Variants in TTC27 observed in about 807,000 individuals in gnomAD.
The protein encoded by TTC27 is tetratricopeptide repeat domain 27, also known as tetratricopeptide repeat protein 27.
Under a neutral mutation model 115.9 loss-of-function variants are expected in TTC27, and 79 were observed. The observed-to-expected ratio is 0.68, with a 90% CI of 0.57 to 0.82. The LOEUF (loss-of-function observed/expected upper bound fraction) is 0.82. Ranked by LOEUF, TTC27 falls within the 40% of genes least tolerant of loss-of-function variation. TTC27 has a pLI of 0.00. For missense variants in TTC27, 1,054 were observed against 993.1 expected (o/e 1.06, Z -0.82); for synonymous variants, 401 against 356.0 (o/e 1.13, Z -1.42).
intron 14 of TTC27, among the ~76,000 whole-genome samples, chr2:32,779,796 T>C (rs1670113780): frequency 6.6e-6 from 1 of 152,222 alleles, no homozygotes; most frequent in Non-Finnish European, 1.5e-5. Flanking sequence ...CATTAAGGTC[T>C]AGGGACCATT....
intron 2 of TTC27, among the ~76,000 whole-genome samples, chr2:32,633,091 T>G (rs1339565719): frequency 6.6e-6 from 1 of 152,192 alleles, no homozygotes; most frequent in African/African-American, 2.4e-5. Flanking sequence ...AGCAACAACT[T>G]TATATCATCA....
intron 9 of TTC27, among the ~76,000 whole-genome samples, chr2:32,697,475 A>G (rs1667026560): frequency 6.6e-6 from 1 of 152,218 alleles, no homozygotes; most frequent in Non-Finnish European, 1.5e-5. Flanking sequence ...TTTACTGAAC[A>G]GTAAAGAAAT....
intron 5 of TTC27, among the ~76,000 whole-genome samples, chr2:32,662,490 G>C (rs1665586403): frequency 6.6e-6 from 1 of 152,122 alleles, no homozygotes; most frequent in Non-Finnish European, 1.5e-5. Flanking sequence ...TCCTGGTTTA[G>C]TCTTGGGAGG....
intron 8 of TTC27, among the ~76,000 whole-genome samples, chr2:32,674,600 C>G (rs1425383301): frequency 1.3e-5 from 2 of 151,978 alleles, no homozygotes; most frequent in Non-Finnish European, 2.9e-5. Flanking sequence ...ATCACACATA[C>G]AGAGTTCTGT....
chr2:32,794,286 A>G (rs1232103590), intron 16 of TTC27, among the ~76,000 whole-genome samples: 1 of 152,216 alleles, frequency 6.6e-6, no homozygotes, highest in African/African-American at 2.4e-5. Flanking sequence ...ATTACAAATC[A>G]ATAACAGATG....
At chr2:32,644,110 G>A (rs987838217) in intron 4 of TTC27, among the ~76,000 whole-genome samples, 3 of 150,472 alleles carry the variant, frequency 2.0e-5, no homozygotes, top group Non-Finnish European at 4.4e-5. Flanking sequence ...GAACCCAGGA[G>A]GCAGAGTTTG....
chr2:32,643,096 A>G (rs1198798548), intron 4 of TTC27, among the ~76,000 whole-genome samples: 1 of 152,084 alleles, frequency 6.6e-6, no homozygotes, highest in African/African-American at 2.4e-5. Flanking sequence ...CAGCCTCCCA[A>G]GTAGCTGGGA....
chr2:32,736,849 G>A, intron 12 of TTC27, 33 bp downstream of exon 12: 2 of 1,608,262 alleles, frequency 1.2e-6, no homozygotes, highest in South Asian at 2.2e-5. Context: ...GTACTGGTGA[G>A]AGCCTTCCCT....
At chr2:32,637,478 C>G (rs1233586330) in intron 3 of TTC27, among the ~76,000 whole-genome samples, 3 of 151,930 alleles carry the variant, frequency 2.0e-5, no homozygotes, top group African/African-American at 7.3e-5. Flanking sequence ...ACTACAGGCG[C>G]CCGCCACCGT....
At position 32,753,624 on chromosome 2, in the gene TTC27, T is replaced by G. The variant is rs528011452; in HGVS notation, c.1453-4668T>G. Among the ~76,000 whole-genome samples, 3 of 151,920 alleles carry G rather than the reference T, an allele frequency of 2.0e-5. No homozygotes were observed. In the East Asian group the frequency reaches 5.9e-4, roughly 30 times the overall value. Reference sequence around the variant, plus strand: ...GCCACCGCGCCCATATTTTTATACCTTTAGTAGACATGGGGTTTCACTATG... The same window carrying G: ...GCCACCGCGCCCATATTTTTATACCGTTAGTAGACATGGGGTTTCACTATG... On this transcript the variant is annotated intron_variant, in intron 12 of 19. Coordinates refer to ENST00000317907, the MANE Select transcript of TTC27 (RefSeq NM_017735.5).
chr2:32,728,090 G>C (rs555212680), intron 10 of TTC27, among the ~76,000 whole-genome samples: 1 of 147,504 alleles, frequency 6.8e-6, no homozygotes. Context: ...GCCCAGGCTG[G>C]AGTGCAGTGG....
intron 11 of TTC27, among the ~76,000 whole-genome samples, chr2:32,735,521 T>A (rs543506749): frequency 3.0e-4 from 46 of 152,324 alleles, no homozygotes; most frequent in African/African-American, 1.1e-3. Flanking sequence ...TTCAGGATCT[T>A]CAGGCAGTTA....
chr2:32,682,888 T>C (rs565255642), intron 9 of TTC27, among the ~76,000 whole-genome samples: 133 of 133,278 alleles, frequency 1.0e-3, no homozygotes, highest in Non-Finnish European at 1.7e-3. Flanking sequence ...AGTCTTGCTG[T>C]GTCACCCCAG....
intron 12 of TTC27, among the ~76,000 whole-genome samples, chr2:32,753,923 A>T (rs1201768588): frequency 1.3e-5 from 2 of 151,862 alleles, no homozygotes; most frequent in Non-Finnish European, 2.9e-5. Flanking sequence ...AAAAACACAA[A>T]AATTAGCTGG....
chr2:32,727,803 A>G (rs1668159683), intron 10 of TTC27, among the ~76,000 whole-genome samples: 2 of 152,114 alleles, frequency 1.3e-5, no homozygotes. Context: ...TGTTAATGTC[A>G]TAGATTTTTC....
chr2:32,764,594 A>C (rs1344251056), intron 13 of TTC27, among the ~76,000 whole-genome samples: 1 of 152,178 alleles, frequency 6.6e-6, no homozygotes, highest in Non-Finnish European at 1.5e-5. Flanking sequence ...CCTTAAAATA[A>C]GGCAACAGTG....
intron 16 of TTC27, among the ~76,000 whole-genome samples, chr2:32,788,392 GA>G (rs1670418722): frequency 6.8e-6 from 1 of 146,154 alleles, no homozygotes; most frequent in South Asian, 2.5e-4. Context: ...CACCAAGTCA[GA>G]AAGGAGTGTG....
chr2:32,702,837 A>T lies in TTC27; in HGVS notation c.1150A>T (p.Ile384Phe). 1 of 1,614,020 alleles carries T rather than the reference A, an allele frequency of 6.2e-7. No individual in the cohort carries two copies. Among genetic ancestry groups the T allele is most frequent in the Non-Finnish European group, 8.5e-7 (1 of 1,179,950 alleles). Residue 384 changes from isoleucine to phenylalanine, a missense_variant, in exon 10 of 20, where the codon ATT becomes TTT. Transcript: ENST00000317907. ...GCTTTCACAACCAAAGTTCTGGGCC[A>T]TTCAGACATCAGCCTTGATCCTCCG... is the stretch of plus-strand genomic sequence containing the variant. ...CLLSQPKFWA[I>F]QTSALILRTK... is the part of the protein sequence containing the mutation.
chr2:32,800,653 A>G (rs957857931), intron 16 of TTC27, among the ~76,000 whole-genome samples: 1 of 151,518 alleles, frequency 6.6e-6, no homozygotes, highest in Non-Finnish European at 1.5e-5. Flanking sequence ...ATGCGCCACT[A>G]TGCCCAGCTA....
Sources: allele counts gnomAD v4.1 joint callset (sites outside exome capture counted in the v4.1 genomes callset), GRCh38; gene constraint gnomAD v4.1.1; transcripts MANE v1.5; gene names NCBI Gene and HGNC (gene_info 2026-07-23, HGNC 2026-07-21).